The following NLGN4X variants were observed in gnomAD, a reference collection of about 807,000 sequenced individuals.
NLGN4X encodes neuroligin-4, X-linked.
NLGN4X carries 3 observed loss-of-function variants against 40.3 expected under a neutral mutation model. That is an observed-to-expected ratio of 0.07 (90% CI 0.03 to 0.19). NLGN4X has a LOEUF of 0.19. NLGN4X is among the 10% of genes least tolerant of loss of function. The pLI is 1.00. For synonymous variants in NLGN4X, 270 were observed against 306.8 expected (o/e 0.88, Z 1.25); for missense variants, 382 against 708.3 (o/e 0.54, Z 5.23).
At chrX:6,093,856 T>C (rs1316066891) in intron 2 of NLGN4X, among the ~76,000 whole-genome samples, 2 of 111,787 alleles carry the variant, frequency 1.8e-5, no homozygotes, top group African/African-American at 3.2e-5. Flanking sequence ...GGAGATAACT[T>C]GTTATATATT....
At chrX:6,102,479 T>C (rs1047016889) in intron 2 of NLGN4X, among the ~76,000 whole-genome samples, 8 of 110,785 alleles carry the variant, frequency 7.2e-5, no homozygotes, top group African/African-American at 2.6e-4. Flanking sequence ...GAAGGCGCTG[T>C]CTATGAATCA....
At chrX:5,899,950 A>G (rs2031750263) in intron 5 of NLGN4X, among the ~76,000 whole-genome samples, 1 of 112,067 alleles carries the variant, frequency 8.9e-6, no homozygotes, top group Non-Finnish European at 1.9e-5. Flanking sequence ...GTGTTTGCAG[A>G]CCAAGTCGGT....
At chrX:6,225,680 TC>T (rs1215075457) in intron 1 of NLGN4X, among the ~76,000 whole-genome samples, 4 of 74,557 alleles carry the variant, frequency 5.4e-5, no homozygotes, top group Admixed American at 3.6e-4. Flanking sequence ...TTTTTTTCTT[TC>T]TTTTTTTCTT....
chrX:5,907,455 G>GGT (rs1463021512), intron 4 of NLGN4X, among the ~76,000 whole-genome samples: 1 of 111,801 alleles, frequency 8.9e-6, no homozygotes, highest in Non-Finnish European at 1.9e-5. Flanking sequence ...AGGGCTCAGG[G>GGT]GTGTGGCTGC....
At chrX:6,051,587 A>T (rs2037494089) in intron 2 of NLGN4X, among the ~76,000 whole-genome samples, 1 of 110,435 alleles carries the variant, frequency 9.1e-6, no homozygotes, top group Admixed American at 9.6e-5. Context: ...TAGGAGAGAG[A>T]CAAGGAACAA....
chrX:6,010,006 G>A (rs183615310), intron 3 of NLGN4X, among the ~76,000 whole-genome samples: 10 of 112,044 alleles, frequency 8.9e-5, no homozygotes, highest in South Asian at 3.7e-4. Flanking sequence ...TGTATCCCAC[G>A]TCCAGTTATT....
intron 3 of NLGN4X, among the ~76,000 whole-genome samples, chrX:5,938,955 T>TTGTGTGTGTGCGTGTGTGTGTG (rs2033820689): frequency 9.7e-6 from 1 of 102,693 alleles, no homozygotes; most frequent in Non-Finnish European, 2.0e-5. Context: ...GTGTTTGTAT[T>TTGTGTGTGTGCGTGTGTGTGTG]TGTGTGTGTG....
chrX:6,102,053 G>A (rs1055238347), intron 2 of NLGN4X, among the ~76,000 whole-genome samples: 5 of 110,885 alleles, frequency 4.5e-5, no homozygotes, highest in South Asian at 3.8e-4. Context: ...CTCGTGATCC[G>A]CCTGCCTCAG....
chrX:5,896,729 GTTCCT>G (rs1338464811), intron 5 of NLGN4X, among the ~76,000 whole-genome samples: 1 of 112,161 alleles, frequency 8.9e-6, no homozygotes, highest in African/African-American at 3.2e-5. Flanking sequence ...CCTCTCAGCT[GTTCCT>G]TTAAGTAGTA....
intron 2 of NLGN4X, among the ~76,000 whole-genome samples, chrX:6,118,490 T>C (rs972287229): frequency 9.0e-6 from 1 of 111,493 alleles, no homozygotes; most frequent in African/African-American, 3.3e-5. Context: ...CCATAAGTTG[T>C]CTCTTTCTCA....
chrX:6,079,445 A>C (rs2038290557), intron 2 of NLGN4X, among the ~76,000 whole-genome samples: 2 of 112,350 alleles, frequency 1.8e-5, no homozygotes, highest in African/African-American at 6.5e-5. Context: ...TGCATGTCCT[A>C]AACTCCTCAT....
intron 1 of NLGN4X, among the ~76,000 whole-genome samples, chrX:6,189,992 G>A (rs1000405634): frequency 2.0e-4 from 22 of 108,253 alleles, no homozygotes; most frequent in Admixed American, 2.0e-4. Flanking sequence ...ACCTTTATTC[G>A]TTTTACCTTT....
At position 6,228,768 on chromosome X, in the gene NLGN4X, C is replaced by G. The variant is rs902093251; in HGVS notation, c.-533G>C. 12 of 111,575 alleles carry G rather than the reference C, an allele frequency of 1.1e-4. No individual in the cohort carries two copies. Among genetic ancestry groups the G allele is most frequent in the African/African-American group, 3.9e-4 (12 of 30,594 alleles). The allele number at this position is 111,575 out of a possible 1,213,427, so 9.2% of individuals were successfully genotyped here. On this transcript the variant is annotated 5_prime_UTR_variant, in exon 1 of 6. Coordinates refer to ENST00000381095, the MANE Select transcript of NLGN4X (RefSeq NM_181332.3). The stretch of plus-strand genomic sequence containing the variant: ...GTTTCTGCCGCCAATAGTCTGTGGA[C>G]GGGCAGAACAAGCATTACAATTGAA...
intron 2 of NLGN4X, among the ~76,000 whole-genome samples, chrX:6,144,413 A>G (rs1018901693): frequency 7.2e-5 from 8 of 111,610 alleles, no homozygotes; most frequent in Non-Finnish European, 1.5e-4. Flanking sequence ...GTTTTCTATT[A>G]CCACTAAGAC....
At chrX:5,912,552 G>C (rs754174559) in intron 3 of NLGN4X, among the ~76,000 whole-genome samples, 1,545 of 110,810 alleles carry the variant, frequency 0.014, 21 homozygotes, top group African/African-American at 0.048. Context: ...AGATGAATCT[G>C]TTGGGAGGTT....
chrX:6,200,682 C>CTTTTCTTTTTTTT lies in NLGN4X; in HGVS notation c.-306+27846_-306+27858dup, dbSNP rs1556005123. ...TTTATATGCTTAATTTATTCCTTTC[C>CTTTTCTTTTTTTT]TTTTCTTTTTTTTTTTTTTTTTTTT... is the stretch of plus-strand genomic sequence containing the variant. On this transcript the variant is annotated intron_variant, in intron 1 of 5. Coordinates refer to ENST00000381095, the MANE Select transcript of NLGN4X (RefSeq NM_181332.3). Among the ~76,000 whole-genome samples the CTTTTCTTTTTTTT allele has an allele frequency of 4.9e-3, 351 of 71,595 alleles. 10 individuals carry two copies. The highest frequency in any genetic ancestry group is 0.021 in the African/African-American group (328 of 15,577). The allele number at this position is 71,595 out of a possible 115,157, so 62.2% of individuals were successfully genotyped here. A position where few individuals can be genotyped will look rare whatever the true frequency, so the allele number is the denominator to read the frequency against.
intron 1 of NLGN4X, among the ~76,000 whole-genome samples, chrX:6,201,820 T>C (rs1301145939): frequency 9.1e-6 from 1 of 110,457 alleles, no homozygotes; most frequent in Non-Finnish European, 1.9e-5. Flanking sequence ...AAAGGGGAGC[T>C]GTAAGGGCAG....
At chrX:5,900,536 T>A (rs1406801865) in intron 5 of NLGN4X, among the ~76,000 whole-genome samples, 1 of 107,315 alleles carries the variant, frequency 9.3e-6, no homozygotes, top group Non-Finnish European at 1.9e-5. Flanking sequence ...ATTTCTGTTG[T>A]TATAAGACAC....
chrX:6,217,722 TTA>T (rs1925212261), intron 1 of NLGN4X, among the ~76,000 whole-genome samples: 1 of 111,685 alleles, frequency 9.0e-6, no homozygotes, highest in Non-Finnish European at 1.9e-5. Context: ...TGTGTCTGCT[TTA>T]TGTTTTCAGT....
Sources: gnomAD v4.1 joint callset for allele counts (sites outside exome capture counted in the v4.1 genomes callset) on GRCh38, gnomAD v4.1.1 for gene constraint, MANE v1.5 for transcripts, NCBI Gene and HGNC (gene_info 2026-07-23, HGNC 2026-07-21) for gene names.